The following ADAMTS10 variants were observed in gnomAD, a reference collection of about 807,000 sequenced individuals.
The protein encoded by ADAMTS10 is ADAM metallopeptidase with thrombospondin type 1 motif 10, also known as A disintegrin and metalloproteinase with thrombospondin motifs 10.
Under a neutral mutation model 135.9 loss-of-function variants are expected in ADAMTS10, and 48 were observed. That is an observed-to-expected ratio of 0.35 (90% CI 0.28 to 0.45). The LOEUF (loss-of-function observed/expected upper bound fraction) is 0.45, where lower values mean the gene tolerates loss of function less well. Ranked by LOEUF, ADAMTS10 falls within the 20% of genes least tolerant of loss-of-function variation. ADAMTS10 has a pLI of 1.00. For synonymous variants in ADAMTS10, 621 were observed against 647.5 expected, an observed-to-expected ratio of 0.96 and a Z score of 0.62; for missense variants, 1,131 against 1,565.2, an observed-to-expected ratio of 0.72 and a Z score of 4.68.
Position 8,605,147 on chromosome 19 carries a change from C to T in ADAMTS10, c.300G>A (p.Gly100=), listed in dbSNP as rs2042706137. The T allele has an allele frequency of 6.2e-7, 1 of 1,613,978 alleles. No individual in the cohort carries two copies. The highest frequency in any genetic ancestry group is 1.1e-5 in the South Asian group (1 of 91,084). The part of the protein sequence containing the change: ...NLTRSSRLLA[G]HVSVEYWTRE... ...GTGTCCAGTACTCCACGGAGACGTG[C>T]CCTGCCAGTAGACGGGAGCTGCGGG... Residue 100 remains glycine, a synonymous_variant, in exon 4 of 26, where the codon GGG becomes GGA. Transcript: ENST00000597188. This position sits in a 1 kb window ranked among gnomAD's most constrained non-coding sequence, Gnocchi z 7.7.
chr19:8,593,229 C>T, intron 12 of ADAMTS10: 2 of 305,422 alleles, frequency 6.5e-6, no homozygotes, highest in South Asian at 3.7e-5. Context: ...TGTGCTCTAA[C>T]GAACTTTGCA....
In ADAMTS10 at chr19:8,585,365, G is replaced by A. The variant is rs782255815; in HGVS notation, c.2866-57C>T. The stretch of plus-strand genomic sequence containing the variant: ...GTGCTGCCCCAGTGCGAAGTGAGGA[G>A]GGGACAGCTAACCTGGAGACCGCGC... On this transcript the variant is annotated intron_variant, in intron 23 of 25. Coordinates refer to ENST00000597188, the MANE Select transcript of ADAMTS10 (RefSeq NM_030957.4). 1.4e-5 allele frequency: 22 copies of A among 1,534,546 alleles called. No individual in the cohort carries two copies. The African/African-American group carries it at 2.7e-4, about 19-fold the overall frequency.
intron 25 of ADAMTS10, among the ~76,000 whole-genome samples, chr19:8,584,154 C>CAAAAAAAA (rs34412373): frequency 4.5e-5 from 2 of 44,856 alleles, no homozygotes; most frequent in Non-Finnish European, 8.3e-5. Flanking sequence ...GACTCCATCT[C>CAAAAAAAA]AAAAAAAAAA....
intron 14 of ADAMTS10, 47 bp downstream of exon 14, chr19:8,591,911 G>A (rs371294427): frequency 1.4e-4 from 233 of 1,611,670 alleles, no homozygotes; most frequent in Non-Finnish European, 1.9e-4. Flanking sequence ...TGGGCGATGG[G>A]GGCAGGGGTC....
chr19:8,594,691 G>C (rs1003365331), intron 12 of ADAMTS10, among the ~76,000 whole-genome samples: 1 of 152,140 alleles, frequency 6.6e-6, no homozygotes, highest in African/African-American at 2.4e-5. Context: ...CCTCTGTAAC[G>C]TGGGGGCTAG....
chr19:8,581,054 C>CGGGG, intron 25 of ADAMTS10, 52 bp from the exon 26 acceptor site: 6 of 1,310,266 alleles, frequency 4.6e-6, no homozygotes, highest in South Asian at 2.5e-5. Context: ...GCCCTCCCCG[C>CGGGG]AGGGCTGCAC....
rs115358734 is a variant in ADAMTS10 at position 8,585,728 on chromosome 19, C to T, written c.2661-68G>A. The T allele has an allele frequency of 2.2e-3, 3,188 of 1,465,688 alleles. 62 individuals are homozygous for T. The African/African-American group carries it at 0.04, about 18-fold the overall frequency. The allele number at this position is 1,465,688 out of a possible 1,614,324, so 90.8% of individuals were successfully genotyped here. On this transcript the variant is annotated intron_variant, in intron 22 of 25. Coordinates refer to ENST00000597188, the MANE Select transcript of ADAMTS10 (RefSeq NM_030957.4). The stretch of plus-strand genomic sequence containing the variant: ...GGTCCCAACACAACAGCAGGGGGCA[C>T]TATAGCCTACCCCCACCCTTCCAAT...
intron 13 of ADAMTS10, 57 bp from the exon 14 acceptor site, chr19:8,592,160 C>A (rs782478257): frequency 6.2e-7 from 1 of 1,612,406 alleles, no homozygotes; most frequent in South Asian, 1.1e-5. Flanking sequence ...TCGTCGGCCC[C>A]ATGCACCGTT....
chr19:8,592,516 G>A (rs1348497224), intron 13 of ADAMTS10, among the ~76,000 whole-genome samples: 1 of 151,934 alleles, frequency 6.6e-6, no homozygotes, highest in Non-Finnish European at 1.5e-5. Context: ...CACGGTGGGC[G>A]TGGCCAACGC....
chr19:8,585,897 C>T (rs1234570912), intron 22 of ADAMTS10, among the ~76,000 whole-genome samples: 1 of 152,120 alleles, frequency 6.6e-6, no homozygotes, highest in Non-Finnish European at 1.5e-5. Context: ...GACCAGGCAG[C>T]GCCATCATTC....
Position 8,600,976 on chromosome 19 carries a change from A to G in ADAMTS10, c.762T>C (p.Tyr254=). The change falls in exon 6 of 26, where the codon TAT becomes TAC. Residue 254 remains tyrosine, a synonymous_variant. Transcript: ENST00000597188. ...LVVADKMMVA[Y]HGRRDVEQYV... ...ACTGCTCCACATCCCGGCGCCCGTG[A>G]TAGGCCACCATCATCTTGTCAGCCA... 1 of 1,614,186 alleles carries G rather than the reference A, an allele frequency of 6.2e-7. No homozygotes were observed. The highest frequency in any genetic ancestry group is 8.5e-7 in the Non-Finnish European group (1 of 1,180,046).
rs2042609503 is a variant in ADAMTS10, at chr19:8,596,694, G to A, written c.1041-109C>T. 1.5e-6 allele frequency: 2 copies of A among 1,368,634 alleles called. No individual in the cohort carries two copies. The highest frequency in any genetic ancestry group is 2.0e-5 in the Admixed American group (1 of 50,924). 84.8% of individuals were successfully genotyped at this position (1,368,634 alleles called of 1,614,324 possible). A position where few individuals can be genotyped will look rare whatever the true frequency, so the allele number is the denominator to read the frequency against. On this transcript the variant is annotated intron_variant, in intron 8 of 25. Coordinates refer to ENST00000597188, the MANE Select transcript of ADAMTS10 (RefSeq NM_030957.4). This position sits in a 1 kb window ranked among gnomAD's most constrained non-coding sequence, Gnocchi z 7.2. The stretch of plus-strand genomic sequence containing the variant: ...GAGTCCTGCCTTGGAGGCGCCATCT[G>A]CCTCTCACCTGAAGCTGCATACAGG...
Position 8,605,206 on chromosome 19 carries a change from C to G in ADAMTS10, c.241G>C (p.Ala81Pro). Residue 81 changes from alanine (A) to proline (P), a missense_variant, in exon 4 of 26, where the codon GCC (alanine) becomes CCC (proline). Ala to Pro is a conservative substitution (Grantham distance 27). This residue lies in a region of ADAMTS10 where 306 missense variants were observed against 344.4 expected (regional missense o/e 0.89). Coordinates refer to ENST00000597188, the MANE Select transcript of ADAMTS10 (RefSeq NM_030957.4). This position sits in a 1 kb window ranked among gnomAD's most constrained non-coding sequence, Gnocchi z 7.7. ...AGCAGGAAGTGGGTGCTGGGCGAGG[C>G]CACTTTGTAGAAGAGGCGGGACTCG... ...TAESRLFYKV[A>P]SPSTHFLLNL... is the part of the protein sequence containing the mutation. 4 of 1,614,038 alleles carry G rather than the reference C, an allele frequency of 2.5e-6. No individual in the cohort carries two copies. Among genetic ancestry groups the G allele is most frequent in the Non-Finnish European group, 3.4e-6 (4 of 1,179,950 alleles).
At chr19:8,581,025 G>A in intron 25 of ADAMTS10, 23 bp from the exon 26 acceptor site, 7 of 1,577,148 alleles carry the variant, frequency 4.4e-6, no homozygotes, top group Non-Finnish European at 6.1e-6. Flanking sequence ...GAGAAGGAAG[G>A]AAAAATCAGG....
At chr19:8,608,041 C>T in intron 2 of ADAMTS10, 93 bp downstream of exon 2, 1 of 152,316 alleles carries the variant, frequency 6.6e-6, no homozygotes, top group Non-Finnish European at 1.5e-5. Context: ...GATCTCTTGA[C>T]CTCATGATCA....
In ADAMTS10 at chr19:8,605,912, T is replaced by G. The variant is rs2042717390; in HGVS notation, c.-99-103A>C. The G allele has an allele frequency of 8.8e-7, 1 of 1,136,594 alleles. No individual in the cohort carries two copies. Among genetic ancestry groups the G allele is most frequent in the African/African-American group, 1.6e-5 (1 of 63,888 alleles). 70.4% of individuals were successfully genotyped at this position (1,136,594 alleles called of 1,614,324 possible). ...AAGCTTTTCACCTGACTCTGAAGATTCTGAATGCATTTTCTCACTCAGTCA... is the reference window on the plus strand; with the variant it reads ...AAGCTTTTCACCTGACTCTGAAGATGCTGAATGCATTTTCTCACTCAGTCA... On this transcript the variant is annotated intron_variant, in intron 2 of 25. Transcript: ENST00000597188. This position sits in a 1 kb window ranked among gnomAD's most constrained non-coding sequence, Gnocchi z 7.7.
chr19:8,600,542 A>T (rs1600115363), intron 6 of ADAMTS10, among the ~76,000 whole-genome samples: 1 of 132,834 alleles, frequency 7.5e-6, no homozygotes, highest in Non-Finnish European at 1.5e-5. Flanking sequence ...TCTGTCGCCC[A>T]GGCTGGAGTG....
At chr19:8,582,009 C>T (rs1178248763) in intron 25 of ADAMTS10, among the ~76,000 whole-genome samples, 2 of 149,606 alleles carry the variant, frequency 1.3e-5, no homozygotes, top group African/African-American at 2.5e-5. Context: ...CTAGCCTGGG[C>T]GACAGAGCGA....
chr19:8,588,228 A>G (rs1401988124), intron 18 of ADAMTS10, among the ~76,000 whole-genome samples: 3 of 152,046 alleles, frequency 2.0e-5, no homozygotes, highest in African/African-American at 4.8e-5. Flanking sequence ...AGCCTGGGTG[A>G]CAGATTGAGA....
Sources: allele counts gnomAD v4.1 joint callset (sites outside exome capture counted in the v4.1 genomes callset), GRCh38; gene constraint gnomAD v4.1.1; regional missense constraint gnomAD v4.1.1; non-coding constraint Gnocchi (gnomAD v3.1); transcripts MANE v1.5; gene names NCBI Gene and HGNC (gene_info 2026-07-23, HGNC 2026-07-21).